PIN4: variants seen among roughly 807,000 people sequenced by gnomAD.
PIN4 encodes the protein peptidyl-prolyl cis-trans isomerase NIMA-interacting 4.
Under a neutral mutation model 8.3 loss-of-function variants are expected in PIN4, and 3 were observed. That is an observed-to-expected ratio of 0.36 (90% CI 0.16 to 0.93). PIN4 has a LOEUF of 0.93. Ranked by LOEUF, PIN4 falls within the 40% of genes least tolerant of loss-of-function variation. The probability of loss-of-function intolerance (pLI) is 0.44; values close to 1 mark genes in which losing one functional copy is unlikely to be tolerated. For synonymous variants in PIN4, 18 were observed against 32.5 expected (o/e 0.55, Z 1.52); for missense variants, 75 against 100.6 (o/e 0.75, Z 1.09).
chrX:72,181,745 G>A (rs1342685978), upstream of PIN4: 8 of 1,182,649 alleles, frequency 6.8e-6, no homozygotes, highest in Non-Finnish European at 9.2e-6. Context: ...GGGCTTGTAC[G>A]GCAACTGGAG....
intron 3 of PIN4, among the ~76,000 whole-genome samples, chrX:72,232,798 G>A (rs1223882769): frequency 9.0e-6 from 1 of 111,210 alleles, no homozygotes; most frequent in Non-Finnish European, 1.9e-5. Flanking sequence ...CAACAAGAGC[G>A]AAACTCCGTC....
At chrX:72,236,679 T>C (rs886776705) in intron 3 of PIN4, among the ~76,000 whole-genome samples, 4 of 112,200 alleles carry the variant, frequency 3.6e-5, no homozygotes, top group African/African-American at 1.3e-4. Context: ...TCAGTTAACG[T>C]GGTCAGTAGG....
intron 3 of PIN4, among the ~76,000 whole-genome samples, chrX:72,230,222 T>C (rs2042975756): frequency 9.1e-6 from 1 of 110,358 alleles, no homozygotes; most frequent in Non-Finnish European, 1.9e-5. Context: ...ATCAGGCTAT[T>C]TGAAGAGCAA....
At chrX:72,260,983 G>A (rs2043136614) in intron 3 of PIN4, among the ~76,000 whole-genome samples, 1 of 111,883 alleles carries the variant, frequency 8.9e-6, no homozygotes, top group South Asian at 3.7e-4. Context: ...TCACCGTGCA[G>A]CCAGAGAGAG....
In PIN4 at chrX:72,197,546, T is replaced by C. The variant is rs1194570777; in HGVS notation, c.*20T>C. Reference sequence around the variant, plus strand: ...AAATAAAATCATATGAAAGACTGAATAAGTTTTATACATTTTGTTTCTTTA... The same window carrying C: ...AAATAAAATCATATGAAAGACTGAACAAGTTTTATACATTTTGTTTCTTTA... On this transcript the variant is annotated 3_prime_UTR_variant, in exon 4 of 4. Transcript: ENST00000373669. 1 of 1,175,141 alleles carries C rather than the reference T, an allele frequency of 8.5e-7. No homozygotes were observed. Among genetic ancestry groups the C allele is most frequent in the Admixed American group, 2.2e-5 (1 of 45,130 alleles).
At chrX:72,241,612 C>T (rs992770074) in intron 3 of PIN4, among the ~76,000 whole-genome samples, 3 of 112,205 alleles carry the variant, frequency 2.7e-5, no homozygotes, top group African/African-American at 9.7e-5. Flanking sequence ...CATCTGAGGT[C>T]GGGAGTTCGA....
intron 3 of PIN4, among the ~76,000 whole-genome samples, chrX:72,257,428 G>T (rs934691513): frequency 2.4e-4 from 27 of 111,088 alleles, no homozygotes; most frequent in Non-Finnish European, 4.9e-4. Context: ...CGGGGGGAGG[G>T]CGTGATGGGC....
chrX:72,259,987 C>T (rs2043131473), intron 3 of PIN4, among the ~76,000 whole-genome samples: 1 of 109,545 alleles, frequency 9.1e-6, no homozygotes, highest in Non-Finnish European at 1.9e-5. Flanking sequence ...GATCTGCTTG[C>T]CTCAGCCTCC....
At chrX:72,254,764 C>A (rs1055573547) in intron 3 of PIN4, among the ~76,000 whole-genome samples, 1 of 112,681 alleles carries the variant, frequency 8.9e-6, no homozygotes, top group Admixed American at 9.4e-5. Flanking sequence ...TTTGAAATAT[C>A]CTGTGTCATT....
intron 3 of PIN4, chrX:72,208,588 A>G: frequency 1.7e-6 from 2 of 1,211,445 alleles, no homozygotes; most frequent in Non-Finnish European, 2.2e-6. Context: ...TATTTTTTGG[A>G]TTCTGCTCAG....
rs769969314 is a variant in PIN4, at chrX:72,225,222, G to A, written c.312+28318G>A. 4.5e-5 allele frequency among the ~76,000 whole-genome samples: 5 copies of A among 111,264 alleles called. No homozygotes were observed. The Admixed American group carries it at 4.8e-4, about 11-fold the overall frequency. On this transcript the variant is annotated intron_variant, in intron 3 of 3. Coordinates refer to the PIN4 transcript ENST00000423432. ...AAACCTTTTTGCTTTCACTTAGACC[G>A]ACCCTGACATAGGCTACTCCCAACA... is the stretch of plus-strand genomic sequence containing the variant.
chrX:72,236,444 C>T (rs1214087076), intron 3 of PIN4, among the ~76,000 whole-genome samples: 3 of 111,200 alleles, frequency 2.7e-5, no homozygotes, highest in Non-Finnish European at 5.7e-5. Context: ...TACAGGTGCC[C>T]GCCACCATAT....
upstream of PIN4, chrX:72,181,697 C>T (rs1290839298): frequency 2.2e-6 from 2 of 926,855 alleles, no homozygotes; most frequent in Non-Finnish European, 3.2e-6. Flanking sequence ...GGCTTTCAGG[C>T]ATTTGTTTAG....
At chrX:72,195,256 A>C (rs1202839845) in intron 2 of PIN4, among the ~76,000 whole-genome samples, 1 of 112,026 alleles carries the variant, frequency 8.9e-6, no homozygotes, top group Non-Finnish European at 1.9e-5. Flanking sequence ...TGAATACTTC[A>C]GTAGGGTTGG....
intron 3 of PIN4, among the ~76,000 whole-genome samples, chrX:72,220,911 T>C (rs2042919487): frequency 1.8e-5 from 2 of 112,019 alleles, no homozygotes; most frequent in Non-Finnish European, 1.9e-5. Flanking sequence ...GAACAGGTGC[T>C]GGGGGCAGAG....
chrX:72,206,081 A>C lies in PIN4; in HGVS notation c.312+9177A>C, dbSNP rs2042817718. ...TCATTTGTTATGGAAATAATGGGCC[A>C]AGGATTGCAATGACGTAAAATCTCA... On this transcript the variant is annotated intron_variant, in intron 3 of 3. Coordinates refer to the PIN4 transcript ENST00000423432. 2.5e-6 allele frequency: 3 copies of C among 1,210,916 alleles called. No homozygotes were observed. The African/African-American group carries it at 5.2e-5, about 21-fold the overall frequency.
chrX:72,249,416 C>T (rs1279699098), intron 3 of PIN4, among the ~76,000 whole-genome samples: 1 of 111,716 alleles, frequency 9.0e-6, no homozygotes, highest in Non-Finnish European at 1.9e-5. Context: ...TAAAGTTAAA[C>T]CCAGGAATTC....
intron 3 of PIN4, chrX:72,205,315 A>G: frequency 8.3e-7 from 1 of 1,212,013 alleles, no homozygotes; most frequent in Admixed American, 2.2e-5. Flanking sequence ...TTCTGAAGAC[A>G]GTGTTTCTCC....
intron 3 of PIN4, among the ~76,000 whole-genome samples, chrX:72,243,307 T>C (rs1048960803): frequency 1.8e-5 from 2 of 111,918 alleles, no homozygotes; most frequent in Non-Finnish European, 3.8e-5. Flanking sequence ...AGCAAAATTC[T>C]GTCTCAGAAA....
Sources: allele counts gnomAD v4.1 joint callset (sites outside exome capture counted in the v4.1 genomes callset), GRCh38; gene constraint gnomAD v4.1.1; transcripts MANE v1.5; gene names NCBI Gene and HGNC (gene_info 2026-07-23, HGNC 2026-07-21).